The following MEF2A variants were observed in gnomAD, a reference collection of about 807,000 sequenced individuals.
MEF2A encodes the protein myocyte-specific enhancer factor 2A.
Under a neutral mutation model 55.8 loss-of-function variants are expected in MEF2A, and 28 were observed. The observed-to-expected ratio is 0.50, with a 90% CI of 0.37 to 0.69. The LOEUF is 0.69. MEF2A is among the 30% of genes least tolerant of loss of function. MEF2A has a pLI of 0.00. For synonymous variants in MEF2A, 239 were observed against 227.1 expected, an observed-to-expected ratio of 1.05 and a Z score of -0.47; for missense variants, 528 against 626.2, an observed-to-expected ratio of 0.84 and a Z score of 1.67.
intron 3 of MEF2A, 148 bp downstream of exon 3, chr15:99,633,321 A>T (rs1567275298): frequency 9.2e-6 from 5 of 540,954 alleles, no homozygotes; most frequent in Non-Finnish European, 1.6e-5. Context: ...ACAATCATAA[A>T]ATTGTATCTT....
chr15:99,706,393 A>T (rs1189497604), intron 9 of MEF2A, among the ~76,000 whole-genome samples: 1 of 152,244 alleles, frequency 6.6e-6, no homozygotes, highest in Non-Finnish European at 1.5e-5. Flanking sequence ...AAACCTACAC[A>T]TACTTCATTT....
In MEF2A at chr15:99,601,844, TGTGTGTGTGTGTGTCA is replaced by T. The variant is rs1214694044; in HGVS notation, c.-143+3335_-143+3350del. 2.4e-4 allele frequency among the ~76,000 whole-genome samples: 24 copies of T among 100,620 alleles called. No individual in the cohort carries two copies. In the East Asian group the frequency reaches 4.2e-3, roughly 18 times the overall value. The allele number at this position is 100,620 out of a possible 152,430, so 66.0% of individuals were successfully genotyped here. ...GTGTGTGTGTGTGTGTGTGTGTGTGTGTGTGTGTGTGTGTCAGGGTAATGCTGGTCTCAGAATGAGT... is the reference window on the plus strand; with the variant it reads ...GTGTGTGTGTGTGTGTGTGTGTGTGTGGGTAATGCTGGTCTCAGAATGAGT... On this transcript the variant is annotated intron_variant, in intron 2 of 11. Coordinates refer to ENST00000557942, the MANE Select transcript of MEF2A (RefSeq NM_001319206.4).
At position 99,712,807 on chromosome 15, in the gene MEF2A, G is replaced by C. The variant is rs1333824358; in HGVS notation, c.*36G>C. 5 of 1,541,564 alleles carry C rather than the reference G, an allele frequency of 3.2e-6. No individual in the cohort carries two copies. In the Admixed American group the frequency reaches 9.9e-5, roughly 30 times the overall value. ...CTGATGTTTGTACTTTTGTGTTACT[G>C]CAGTGACCTGCCCTACATATCTAAA... On this transcript the variant is annotated 3_prime_UTR_variant, in exon 12 of 12. Transcript: ENST00000557942. The surrounding 1 kb of genome is among the most constrained non-coding windows in gnomAD (Gnocchi z 4.1).
At chr15:99,683,361 G>A (rs1285449186) in intron 7 of MEF2A, among the ~76,000 whole-genome samples, 2 of 152,114 alleles carry the variant, frequency 1.3e-5, no homozygotes, top group East Asian at 1.9e-4. Context: ...AGAGGAATTG[G>A]GTGAGGGTAA....
intron 1 of MEF2A, among the ~76,000 whole-genome samples, chr15:99,580,000 A>G (rs967746448): frequency 1.5e-4 from 23 of 152,116 alleles, no homozygotes; most frequent in Non-Finnish European, 2.2e-4. Context: ...TTAAATCAAG[A>G]GAATTTTGAA....
intron 2 of MEF2A, among the ~76,000 whole-genome samples, chr15:99,613,095 A>G (rs1051456599): frequency 3.3e-5 from 5 of 152,232 alleles, no homozygotes; most frequent in African/African-American, 1.2e-4. Context: ...ATAGCCAATC[A>G]GTGTTTGAAT....
intron 8 of MEF2A, among the ~76,000 whole-genome samples, chr15:99,700,975 TGAGA>T (rs754161877): frequency 1.3e-5 from 2 of 152,042 alleles, no homozygotes; most frequent in South Asian, 4.1e-4. Context: ...GTAGAAAGAA[TGAGA>T]GAGAGTAAAT....
intron 7 of MEF2A, among the ~76,000 whole-genome samples, chr15:99,675,831 A>C (rs1194924237): frequency 6.6e-6 from 1 of 152,180 alleles, no homozygotes. Flanking sequence ...TGAGCTGAAG[A>C]GTTTGTGACC....
chr15:99,590,057 A>C (rs1291720047), intron 1 of MEF2A, among the ~76,000 whole-genome samples: 1 of 151,946 alleles, frequency 6.6e-6, no homozygotes, highest in East Asian at 1.9e-4. Flanking sequence ...TTTTCCATCT[A>C]CTCATTTTAC....
At chr15:99,702,111 C>T (rs564770176) in intron 8 of MEF2A, among the ~76,000 whole-genome samples, 1 of 152,180 alleles carries the variant, frequency 6.6e-6, no homozygotes, top group African/African-American at 2.4e-5. Context: ...TTGGTGTGTA[C>T]CTTGTGTTTG....
intron 7 of MEF2A, among the ~76,000 whole-genome samples, chr15:99,686,737 C>G (rs372574183): frequency 1.4e-3 from 219 of 152,184 alleles, no homozygotes; most frequent in African/African-American, 5.1e-3. Context: ...GGTCTTTGAG[C>G]TTTTTGTATT....
Position 99,625,179 on chromosome 15 carries a change from G to A in MEF2A, c.-142-7799G>A, listed in dbSNP as rs58117689. Among the ~76,000 whole-genome samples, 1,151 of 152,224 alleles carry A rather than the reference G, an allele frequency of 7.6e-3. 11 individuals are homozygous for A. Among genetic ancestry groups the A allele is most frequent in the African/African-American group, 0.026 (1,083 of 41,542 alleles). On this transcript the variant is annotated intron_variant, in intron 2 of 11. Transcript: ENST00000557942. ...GGGTTTATAGGGATTTAACCCCATC[G>A]TAAGTCAAGTAGCATCTGTATTCTC... is the stretch of plus-strand genomic sequence containing the variant.
intron 4 of MEF2A, among the ~76,000 whole-genome samples, chr15:99,663,095 CT>C (rs2048946675): frequency 6.6e-6 from 1 of 150,514 alleles, no homozygotes; most frequent in Non-Finnish European, 1.5e-5. Context: ...TTTTTCAGTT[CT>C]TGGTAGGCAG....
chr15:99,673,993 G>A (rs1265288506), intron 5 of MEF2A, among the ~76,000 whole-genome samples: 3 of 151,904 alleles, frequency 2.0e-5, no homozygotes, highest in Non-Finnish European at 4.4e-5. Flanking sequence ...TTATATTTGG[G>A]ATCTCTCAGT....
At chr15:99,582,162 G>A (rs555765595) in intron 1 of MEF2A, among the ~76,000 whole-genome samples, 52 of 151,940 alleles carry the variant, frequency 3.4e-4, no homozygotes, top group African/African-American at 1.2e-3. Flanking sequence ...TGAAGATAAT[G>A]TATATGTCCT....
At chr15:99,698,291 G>C (rs2056817655) in intron 8 of MEF2A, among the ~76,000 whole-genome samples, 1 of 152,130 alleles carries the variant, frequency 6.6e-6, no homozygotes, top group Non-Finnish European at 1.5e-5. Context: ...TAAAGAGTTT[G>C]TATCCAGAAT....
intron 1 of MEF2A, among the ~76,000 whole-genome samples, chr15:99,594,927 A>G (rs568263107): frequency 3.3e-5 from 5 of 152,320 alleles, no homozygotes; most frequent in Admixed American, 2.0e-4. Flanking sequence ...TGTACAACGT[A>G]TATCTGAACC....
At chr15:99,710,245 T>C (rs1362317818) in intron 10 of MEF2A, among the ~76,000 whole-genome samples, 1 of 152,134 alleles carries the variant, frequency 6.6e-6, no homozygotes, top group African/African-American at 2.4e-5. Flanking sequence ...GTAGGAACTT[T>C]TTATTTTATT....
intron 3 of MEF2A, among the ~76,000 whole-genome samples, chr15:99,641,195 G>C (rs536410309): frequency 2.6e-5 from 4 of 152,170 alleles, no homozygotes; most frequent in Non-Finnish European, 5.9e-5. Context: ...TCCACCAAAC[G>C]TGGAGGTTCT....
Sources: allele counts gnomAD v4.1 joint callset (sites outside exome capture counted in the v4.1 genomes callset), GRCh38; gene constraint gnomAD v4.1.1; non-coding constraint Gnocchi (gnomAD v3.1); transcripts MANE v1.5; gene names NCBI Gene and HGNC (gene_info 2026-07-23, HGNC 2026-07-21).